Variants in MROH1 observed in about 807,000 individuals in gnomAD.
The protein encoded by MROH1 is maestro heat like repeat family member 1.
MROH1 carries 117 observed loss-of-function variants against 116.5 expected under a neutral mutation model. The observed-to-expected ratio is 1.00, with a 90% confidence interval of 0.86 to 1.17. The LOEUF is 1.17. Ranked by LOEUF, MROH1 falls within the 50% of genes most tolerant of loss-of-function variation. The pLI is 0.00. For missense variants in MROH1, 1,873 were observed against 1,338.5 expected, an observed-to-expected ratio of 1.40 and a Z score of -6.23; for synonymous variants, 921 against 583.9, an observed-to-expected ratio of 1.58 and a Z score of -8.32.
chr8:144,191,001 C>A, intron 8 of MROH1, 66 bp downstream of exon 8: 1 of 1,524,974 alleles, frequency 6.6e-7, no homozygotes, highest in Non-Finnish European at 8.9e-7. Flanking sequence ...CATTCCCTGC[C>A]CGTGGCAAAT....
intron 33 of MROH1, chr8:144,254,524 C>T (rs1294418441): frequency 5.6e-6 from 2 of 359,762 alleles, no homozygotes; most frequent in African/African-American, 2.1e-5. Flanking sequence ...ATTTGTTCTC[C>T]CTCCCAGTAG....
At position 144,232,474 on chromosome 8, in the gene MROH1, G is replaced by GTTTATTTA. The variant is rs782182419; in HGVS notation, c.1339-6254_1339-6247dup. 5.8e-3 allele frequency among the ~76,000 whole-genome samples: 825 copies of GTTTATTTA among 142,746 alleles called. 1 individual carries two copies. Among genetic ancestry groups the GTTTATTTA allele is most frequent in the Non-Finnish European group, 8.9e-3 (569 of 64,228 alleles). The allele number at this position is 142,746 out of a possible 152,430, so 93.6% of individuals were successfully genotyped here. A position where few individuals can be genotyped will look rare whatever the true frequency, so the allele number is the denominator to read the frequency against. On this transcript the variant is annotated intron_variant, in intron 14 of 43. Transcript: ENST00000326134. ...ATTAGATTGAGTGCTTTGTTTGTTT[G>GTTTATTTA]TTTATTTATTTATTTATTTATTTAT...
chr8:144,200,652 C>G, intron 12 of MROH1, 111 bp downstream of exon 12: 1 of 788,980 alleles, frequency 1.3e-6, no homozygotes, highest in Non-Finnish European at 2.1e-6. Context: ...TTTGAATTCT[C>G]TAGAAAGATT....
In MROH1 at chr8:144,199,005, C is replaced by T. The variant is rs542838603; in HGVS notation, c.949-117C>T. On this transcript the variant is annotated intron_variant, in intron 10 of 43. Coordinates refer to ENST00000326134, the MANE Select transcript of MROH1 (RefSeq NM_032450.3). ...TGGAGCGCCCGCTGCATGCTGTAGG[C>T]ATGGGGTGGAAACCCAGAGCCTTCT... The T allele has an allele frequency of 3.4e-6, 3 of 886,622 alleles. No individual in the cohort carries two copies. The African/African-American group carries it at 5.0e-5, about 15-fold the overall frequency. 54.9% of individuals were successfully genotyped at this position (886,622 alleles called of 1,614,324 possible). A position where few individuals can be genotyped will look rare whatever the true frequency, so the allele number is the denominator to read the frequency against.
At chr8:144,151,720 G>A (rs1816841375) in intron 1 of MROH1, among the ~76,000 whole-genome samples, 1 of 152,188 alleles carries the variant, frequency 6.6e-6, no homozygotes, top group African/African-American at 2.4e-5. Flanking sequence ...GAGCACCCTG[G>A]AACACACGCC....
Position 144,220,658 on chromosome 8 carries a change from G to A in MROH1, c.1200G>A (p.Leu400=), listed in dbSNP as rs745399168. The A allele has an allele frequency of 4.4e-6, 7 of 1,575,484 alleles. No individual in the cohort carries two copies. The South Asian group carries it at 8.2e-5, about 18-fold the overall frequency. Reference sequence around the variant, plus strand: ...TGTCTTCCATGAGGCTTCCTCTCCTGGACACCAACAGCAAGGTAAACCACA... The same window carrying A: ...TGTCTTCCATGAGGCTTCCTCTCCTAGACACCAACAGCAAGGTAAACCACA... The part of the protein sequence containing the change: ...FILSSMRLPL[L]DTNSKVKRAV... Residue 400 remains leucine (L), a synonymous_variant, in exon 13 of 44, where the codon CTG becomes CTA. Coordinates refer to ENST00000326134, the MANE Select transcript of MROH1 (RefSeq NM_032450.3).
rs1180672443 is a variant in MROH1 at position 144,250,257 on chromosome 8, CAGG to C, written c.3320_3322del (p.Gln1107_Gly1108delinsArg). The C allele has an allele frequency of 6.5e-6, 5 of 767,950 alleles. No homozygotes were observed. Among genetic ancestry groups the C allele is most frequent in the African/African-American group, 3.4e-5 (2 of 59,056 alleles). The allele number at this position is 767,950 out of a possible 1,614,324, so 47.6% of individuals were successfully genotyped here. ...CCTGCGCTCCAAGCTTCAGGAGGCC[CAGG>C]GAGAGCACGTCCTGCCGGCCGCCCA... On this transcript the variant is annotated inframe_deletion, in exon 33 of 44. Transcript: ENST00000326134.
At position 144,261,667 on chromosome 8, in the gene MROH1, T is replaced by C; in HGVS notation, c.4853T>C (p.Leu1618Pro). The C allele has an allele frequency of 1.4e-6, 1 of 723,772 alleles. No homozygotes were observed. Among genetic ancestry groups the C allele is most frequent in the Non-Finnish European group, 2.5e-6 (1 of 397,844 alleles). 44.8% of individuals were successfully genotyped at this position (723,772 alleles called of 1,614,324 possible). The change falls in exon 44 of 44, where the codon CTG (leucine) becomes CCG (proline). Residue 1618 changes from leucine (L) to proline (P), a missense_variant. Coordinates refer to ENST00000326134, the MANE Select transcript of MROH1 (RefSeq NM_032450.3). ...CCTCTACCCCCAGCGCTCCAGATCC[T>C]GCTGAAGGACCCGGCCCCCGAGGTG... ...LDQLIAALQILLKDPAPEVRT... is the reference protein window; with the variant it reads ...LDQLIAALQIPLKDPAPEVRT...
intron 12 of MROH1, among the ~76,000 whole-genome samples, chr8:144,216,980 G>T (rs930061876): frequency 1.3e-5 from 2 of 152,108 alleles, no homozygotes; most frequent in African/African-American, 4.8e-5. Context: ...GAGCCATCGC[G>T]CCTGGCCTAT....
In MROH1 at chr8:144,180,080, C is replaced by T. The variant is rs979357550; in HGVS notation, c.301-98C>T. The T allele has an allele frequency of 1.8e-5, 26 of 1,463,054 alleles. No individual in the cohort carries two copies. The highest frequency in any genetic ancestry group is 7.0e-5 in the African/African-American group (5 of 71,930). 90.6% of individuals were successfully genotyped at this position (1,463,054 alleles called of 1,614,324 possible). ...TTCCCTGACCTGCACTTTCTGGGGA[C>T]GCTGAAAACAGCGTGCGCTTGTCCA... On this transcript the variant is annotated intron_variant, in intron 5 of 43. Coordinates refer to ENST00000326134, the MANE Select transcript of MROH1 (RefSeq NM_032450.3). This position sits in a 1 kb window ranked among gnomAD's most constrained non-coding sequence, Gnocchi z 7.4.
At chr8:144,150,774 A>G (rs1816530896) in intron 1 of MROH1, among the ~76,000 whole-genome samples, 1 of 152,196 alleles carries the variant, frequency 6.6e-6, no homozygotes, top group Non-Finnish European at 1.5e-5. Flanking sequence ...TGGGAAGAGA[A>G]GAGTGTGGTC....
chr8:144,243,930 G>C lies in MROH1; in HGVS notation c.2543G>C (p.Cys848Ser), dbSNP rs1368345203. Reference sequence around the variant, plus strand: ...ATTCGGAAGAAAGCCATGCTCACCTGCACTTACTTGGTGTATCCTTTCCTG... The same window carrying C: ...ATTCGGAAGAAAGCCATGCTCACCTCCACTTACTTGGTGTATCCTTTCCTG... The part of the protein sequence containing the change: ...TPIRKKAMLT[C>S]TYLVSVEPAL... Residue 848 changes from cysteine to serine, a missense_variant, in exon 26 of 44, where the codon TGC (cysteine) becomes TCC (serine). Cys to Ser is a moderately radical substitution (Grantham distance 112). Transcript: ENST00000326134. 3 of 780,386 alleles carry C rather than the reference G, an allele frequency of 3.8e-6. No homozygotes were observed. The highest frequency in any genetic ancestry group is 7.2e-6 in the Non-Finnish European group (3 of 417,686). The allele number at this position is 780,386 out of a possible 1,614,324, so 48.3% of individuals were successfully genotyped here.
At chr8:144,188,222 C>T (rs1354455657) in intron 7 of MROH1, among the ~76,000 whole-genome samples, 1 of 152,200 alleles carries the variant, frequency 6.6e-6, no homozygotes, top group African/African-American at 2.4e-5. Flanking sequence ...TACAGAACTG[C>T]AGATGAACAT....
chr8:144,256,197 G>A (rs930002975), intron 35 of MROH1, among the ~76,000 whole-genome samples: 1 of 152,154 alleles, frequency 6.6e-6, no homozygotes, highest in Admixed American at 6.5e-5. Context: ...ACCTGCCTGG[G>A]GCCATAGCAC....
At chr8:144,232,891 A>G (rs1480293130) in intron 14 of MROH1, among the ~76,000 whole-genome samples, 1 of 151,348 alleles carries the variant, frequency 6.6e-6, no homozygotes, top group Admixed American at 6.6e-5. Flanking sequence ...TAGTGATGCA[A>G]TCATGGCTTA....
intron 4 of MROH1, chr8:144,175,384 A>G (rs1823603632): frequency 1.6e-6 from 1 of 610,486 alleles, no homozygotes; most frequent in Non-Finnish European, 2.0e-6. Context: ...TCGGATGGGT[A>G]TAAATGCCCA....
intron 7 of MROH1, among the ~76,000 whole-genome samples, chr8:144,189,830 GTC>G (rs1487767357): frequency 1.3e-5 from 2 of 152,238 alleles, no homozygotes; most frequent in Admixed American, 1.3e-4. Flanking sequence ...TGCTCCTCTT[GTC>G]TCTGTGGCAG....
chr8:144,230,917 A>G (rs1186650419), intron 14 of MROH1, among the ~76,000 whole-genome samples: 1 of 142,744 alleles, frequency 7.0e-6, no homozygotes. Flanking sequence ...AAACAAGTGA[A>G]CAAAGGTCTC....
rs759517651 is a variant in MROH1, at chr8:144,199,183, G to A, written c.1010G>A (p.Arg337His). Residue 337 changes from arginine to histidine, a missense_variant, in exon 11 of 44, where the codon CGC becomes CAC. Physicochemically the swap from Arg to His is conservative, Grantham distance 29. Coordinates refer to ENST00000326134, the MANE Select transcript of MROH1 (RefSeq NM_032450.3). ...ATGAGTAACCAGAAGGAGGTGCTGC[G>A]CTGCTTCACTGTGCTGGGTGAGTGG... is the stretch of plus-strand genomic sequence containing the variant. ...LVMSNQKEVLRCFTVLACSSP... is the reference protein window; with the variant it reads ...LVMSNQKEVLHCFTVLACSSP... 31 of 1,613,266 alleles carry A rather than the reference G, an allele frequency of 1.9e-5. No homozygotes were observed. Among genetic ancestry groups the A allele is most frequent in the South Asian group, 6.6e-5 (6 of 90,862 alleles).
Sources: gnomAD v4.1 joint callset for allele counts (sites outside exome capture counted in the v4.1 genomes callset) on GRCh38, gnomAD v4.1.1 for gene constraint, Gnocchi (gnomAD v3.1) non-coding constraint, MANE v1.5 for transcripts, NCBI Gene and HGNC (gene_info 2026-07-23, HGNC 2026-07-21) for gene names.